ST18: variants seen among roughly 807,000 people sequenced by gnomAD.
ST18 encodes the protein ST18 C2H2C-type zinc finger transcription factor.
ST18 carries 50 observed loss-of-function variants against 110.0 expected under a neutral mutation model. That is an observed-to-expected ratio of 0.45 (90% CI 0.36 to 0.58). The LOEUF is 0.58. Ranked by LOEUF, ST18 falls within the 20% of genes least tolerant of loss-of-function variation. The probability of loss-of-function intolerance (pLI) is 0.00; values close to 1 mark genes in which losing one functional copy is unlikely to be tolerated. For missense variants in ST18, 1,306 were observed against 1,280.1 expected (o/e 1.02, Z -0.31); for synonymous variants, 461 against 452.4 (o/e 1.02, Z -0.24).
chr8:52,277,340 C>A (rs1277417969), intron 2 of ST18, among the ~76,000 whole-genome samples: 1 of 152,200 alleles, frequency 6.6e-6, no homozygotes, highest in Admixed American at 6.5e-5. Context: ...CACCTCTAGT[C>A]CTCTCCTGCT....
rs191653691 is a variant in ST18 at position 52,264,443 on chromosome 8, G to T, written c.-464-34366C>A. On this transcript the variant is annotated intron_variant, in intron 2 of 25. Transcript: ENST00000689386. ...ACCAAGCTCTAGTCTTTCTTGGGTG[G>T]CTGAGATATTTATCTGAAGCTACGG... Among the ~76,000 whole-genome samples the T allele has an allele frequency of 8.5e-5, 13 of 152,196 alleles. 1 individual carries two copies. The East Asian group carries it at 2.5e-3, about 29-fold the overall frequency.
rs111964406 is a variant in ST18, at chr8:52,134,942, A to G, written c.2301-1641T>C. On this transcript the variant is annotated intron_variant, in intron 19 of 25. Coordinates refer to ENST00000689386, the MANE Select transcript of ST18 (RefSeq NM_001352837.2). Reference sequence around the variant, plus strand: ...AAAAAACATATCTATGGAAAAAACCAAAGACATTACTTATTAGATAGCTGT... The same window carrying G: ...AAAAAACATATCTATGGAAAAAACCGAAGACATTACTTATTAGATAGCTGT... Among the ~76,000 whole-genome samples, 515 of 152,342 alleles carry G rather than the reference A, an allele frequency of 3.4e-3. 5 individuals are homozygous for G. Among genetic ancestry groups the G allele is most frequent in the African/African-American group, 0.012 (487 of 41,574 alleles).
chr8:52,193,655 G>A (rs1457831250), intron 8 of ST18, among the ~76,000 whole-genome samples: 4 of 152,226 alleles, frequency 2.6e-5, no homozygotes, highest in African/African-American at 4.8e-5. Context: ...CAGGAGACAG[G>A]ACCCTGGGGA....
intron 2 of ST18, among the ~76,000 whole-genome samples, chr8:52,295,349 C>T (rs2095615726): frequency 6.6e-6 from 1 of 152,062 alleles, no homozygotes; most frequent in Non-Finnish European, 1.5e-5. Flanking sequence ...TAAGTTCTTC[C>T]TCTAATTTAT....
chr8:52,360,333 T>A (rs926564886), intron 2 of ST18, among the ~76,000 whole-genome samples: 1 of 152,148 alleles, frequency 6.6e-6, no homozygotes, highest in Non-Finnish European at 1.5e-5. Context: ...TTAAAATATC[T>A]TATTTTAAAT....
chr8:52,127,996 G>T (rs2047759087), intron 22 of ST18, among the ~76,000 whole-genome samples: 1 of 151,484 alleles, frequency 6.6e-6, no homozygotes, highest in Middle Eastern at 3.4e-3. Context: ...TTGAGGCGGG[G>T]TCTCACCAAG....
intron 8 of ST18, among the ~76,000 whole-genome samples, chr8:52,197,624 C>A (rs2135299422): frequency 6.6e-6 from 1 of 152,112 alleles, no homozygotes; most frequent in South Asian, 2.1e-4. Context: ...CTAGCATGAA[C>A]ACTTAGAGTA....
At chr8:52,335,448 C>A (rs1440824865) in intron 2 of ST18, among the ~76,000 whole-genome samples, 1 of 152,110 alleles carries the variant, frequency 6.6e-6, no homozygotes, top group Non-Finnish European at 1.5e-5. Flanking sequence ...TTTCAAATTT[C>A]AGATACTTTA....
At chr8:52,388,830 G>T (rs7003248) in intron 2 of ST18, among the ~76,000 whole-genome samples, 2 of 117,838 alleles carry the variant, frequency 1.7e-5, no homozygotes, top group African/African-American at 3.2e-5. Context: ...TGGGGGGAGG[G>T]GGGAGGGATA....
intron 8 of ST18, among the ~76,000 whole-genome samples, chr8:52,191,921 G>A (rs1054546846): frequency 1.1e-4 from 17 of 152,198 alleles, no homozygotes; most frequent in African/African-American, 4.1e-4. Context: ...TTAGGAGACT[G>A]GGGGTGAAAT....
intron 8 of ST18, among the ~76,000 whole-genome samples, chr8:52,197,724 G>A (rs2076610893): frequency 6.6e-6 from 1 of 151,976 alleles, no homozygotes; most frequent in Non-Finnish European, 1.5e-5. Flanking sequence ...TGAGGGCAGG[G>A]AGGCCAAAAA....
chr8:52,139,643 A>T (rs2054097932), intron 17 of ST18, among the ~76,000 whole-genome samples: 1 of 152,236 alleles, frequency 6.6e-6, no homozygotes, highest in Non-Finnish European at 1.5e-5. Flanking sequence ...GGCATGAGCC[A>T]CCGCGCCCGG....
chr8:52,350,563 T>G (rs1041806435), intron 2 of ST18, among the ~76,000 whole-genome samples: 1 of 152,138 alleles, frequency 6.6e-6, no homozygotes, highest in Non-Finnish European at 1.5e-5. Context: ...AATCCTTTTC[T>G]AACTCTTGAA....
intron 2 of ST18, among the ~76,000 whole-genome samples, chr8:52,338,891 C>A (rs148596698): frequency 3.3e-5 from 5 of 152,128 alleles, no homozygotes; most frequent in Admixed American, 6.5e-5. Context: ...GCACAAGCTA[C>A]CAAACCCAGC....
chr8:52,321,023 A>G (rs1382505501), intron 2 of ST18, among the ~76,000 whole-genome samples: 1 of 152,246 alleles, frequency 6.6e-6, no homozygotes, highest in Admixed American at 6.5e-5. Flanking sequence ...TACATTCAGT[A>G]AACATAATAT....
intron 10 of ST18, among the ~76,000 whole-genome samples, chr8:52,167,732 G>A (rs2063487532): frequency 6.6e-6 from 1 of 152,114 alleles, no homozygotes; most frequent in African/African-American, 2.4e-5. Flanking sequence ...AAATAGAAGT[G>A]CAAAGAGTGC....
intron 2 of ST18, among the ~76,000 whole-genome samples, chr8:52,260,125 A>G (rs1377684279): frequency 6.6e-6 from 1 of 152,238 alleles, no homozygotes; most frequent in Non-Finnish European, 1.5e-5. Flanking sequence ...GAACATGGAC[A>G]TAATCTAAAA....
chr8:52,394,036 A>G (rs1840246531), intron 2 of ST18, among the ~76,000 whole-genome samples: 1 of 152,206 alleles, frequency 6.6e-6, no homozygotes. Flanking sequence ...ATCTAAGTGT[A>G]ATTCTCATCA....
At chr8:52,266,540 CTTTT>C (rs759084646) in intron 2 of ST18, among the ~76,000 whole-genome samples, 2 of 131,298 alleles carry the variant, frequency 1.5e-5, no homozygotes, top group African/African-American at 2.9e-5. Context: ...GTTTCTGCCA[CTTTT>C]TTTTTTTTTT....
Sources: gnomAD v4.1 joint callset for allele counts (sites outside exome capture counted in the v4.1 genomes callset) on GRCh38, gnomAD v4.1.1 for gene constraint, MANE v1.5 for transcripts, NCBI Gene and HGNC (gene_info 2026-07-23, HGNC 2026-07-21) for gene names.